The following EHMT1 variants were observed in gnomAD, a reference collection of about 807,000 sequenced individuals.
The protein encoded by EHMT1 is euchromatic histone lysine methyltransferase 1.
Under a neutral mutation model 147.2 loss-of-function variants are expected in EHMT1, and 15 were observed. The ratio of observed to expected loss-of-function variants is 0.10; its 90% CI spans 0.07 to 0.16. EHMT1 has a LOEUF of 0.16. Ranked by LOEUF, EHMT1 falls within the 10% of genes least tolerant of loss-of-function variation. EHMT1 has a pLI of 1.00. For missense variants in EHMT1, 1,587 were observed against 1,772.4 expected, an observed-to-expected ratio of 0.90 and a Z score of 1.88; for synonymous variants, 795 against 709.6, an observed-to-expected ratio of 1.12 and a Z score of -1.91.
At chr9:137,790,039 C>G (rs575612635) in intron 15 of EHMT1, among the ~76,000 whole-genome samples, 5 of 152,342 alleles carry the variant, frequency 3.3e-5, no homozygotes, top group African/African-American at 7.2e-5. Context: ...CTCTCCACCC[C>G]CTTAGCCGTT....
At chr9:137,654,400 AAAG>A (rs1473368605) in intron 1 of EHMT1, among the ~76,000 whole-genome samples, 17 of 143,238 alleles carry the variant, frequency 1.2e-4, no homozygotes. Flanking sequence ...ACCAAAAAAA[AAAG>A]AGAAAAATTA....
chr9:137,722,767 G>C (rs1564641031), intron 3 of EHMT1, among the ~76,000 whole-genome samples: 1 of 151,758 alleles, frequency 6.6e-6, no homozygotes, highest in Non-Finnish European at 1.5e-5. Flanking sequence ...CCTGCACCCG[G>C]AGTGTGCTCT....
intron 1 of EHMT1, among the ~76,000 whole-genome samples, chr9:137,639,996 G>A (rs1396813498): frequency 1.3e-5 from 2 of 152,116 alleles, no homozygotes; most frequent in Non-Finnish European, 2.9e-5. Flanking sequence ...GTGCAATGGC[G>A]CGATCTTGGC....
intron 4 of EHMT1, among the ~76,000 whole-genome samples, chr9:137,733,342 A>G (rs1266810460): frequency 6.6e-6 from 1 of 152,184 alleles, no homozygotes; most frequent in Non-Finnish European, 1.5e-5. Context: ...TCACAATTTA[A>G]AAACAATCCT....
At chr9:137,802,777 C>T (rs570233956) in intron 18 of EHMT1, 23 of 1,225,502 alleles carry the variant, frequency 1.9e-5, no homozygotes, top group South Asian at 8.3e-5. Context: ...GTGCCTCCTC[C>T]GTGGGCTGCA....
intron 4 of EHMT1, among the ~76,000 whole-genome samples, chr9:137,738,116 C>T (rs982104788): frequency 1.3e-5 from 2 of 151,926 alleles, no homozygotes; most frequent in Non-Finnish European, 2.9e-5. Flanking sequence ...ATCACTTGAA[C>T]CCGAGTGGTA....
At chr9:137,622,201 C>T (rs867820578) in intron 1 of EHMT1, among the ~76,000 whole-genome samples, 41 of 149,500 alleles carry the variant, frequency 2.7e-4, no homozygotes, top group Middle Eastern at 6.9e-3. Flanking sequence ...TCACTGCAGC[C>T]TCCGCCTCCC....
intron 10 of EHMT1, among the ~76,000 whole-genome samples, chr9:137,767,695 C>T (rs1413387343): frequency 1.3e-5 from 2 of 152,092 alleles, no homozygotes; most frequent in Non-Finnish European, 2.9e-5. Flanking sequence ...AGCTTGTAAT[C>T]CGAGCTACTT....
chr9:137,667,643 T>C (rs529675119), intron 1 of EHMT1: 2 of 152,314 alleles, frequency 1.3e-5, no homozygotes, highest in African/African-American at 4.8e-5. Flanking sequence ...TAGAGATTTC[T>C]GGCTTCTGCT....
intron 2 of EHMT1, chr9:137,715,850 A>G (rs1160634009): frequency 1.6e-5 from 16 of 984,506 alleles, no homozygotes; most frequent in Admixed American, 6.1e-5. Flanking sequence ...ATAACACTCC[A>G]TGTTTTATTA....
At chr9:137,779,792 T>A in intron 14 of EHMT1, 75 bp downstream of exon 14, 2 of 1,520,966 alleles carry the variant, frequency 1.3e-6, no homozygotes, top group Non-Finnish European at 1.8e-6. Flanking sequence ...CAGTTGTTAC[T>A]CCTTCCTCAG....
chr9:137,686,229 G>GT (rs34234074), intron 1 of EHMT1, among the ~76,000 whole-genome samples: 42,648 of 151,984 alleles, frequency 0.28, 6,558 homozygotes, highest in Admixed American at 0.38. Context: ...CAATTTATCT[G>GT]TTTTTTCTTT....
intron 23 of EHMT1, 183 bp from the exon 24 acceptor site, chr9:137,817,256 G>C (rs1954992461): frequency 1.4e-6 from 1 of 696,288 alleles, no homozygotes; most frequent in Non-Finnish European, 2.5e-6. Flanking sequence ...TGATCCCCGG[G>C]TTCTTGGCTC....
chr9:137,814,796 G>T, intron 22 of EHMT1: 1 of 575,224 alleles, frequency 1.7e-6, no homozygotes, highest in Non-Finnish European at 3.1e-6. Flanking sequence ...GGCCCCAGGA[G>T]GAGGTGCTGC....
At chr9:137,792,965 C>G (rs1952637814) in intron 16 of EHMT1, among the ~76,000 whole-genome samples, 1 of 152,230 alleles carries the variant, frequency 6.6e-6, no homozygotes, top group South Asian at 2.1e-4. Context: ...GAACCTGGCA[C>G]TAAACCGTCC....
intron 18 of EHMT1, among the ~76,000 whole-genome samples, chr9:137,807,566 G>A (rs141030712): frequency 0.011 from 1,642 of 151,884 alleles, 39 homozygotes; most frequent in African/African-American, 0.037. Flanking sequence ...GGAGTGCAGT[G>A]GTGCAATCTT....
chr9:137,625,434 G>A (rs1270388599), intron 1 of EHMT1, among the ~76,000 whole-genome samples: 1 of 151,874 alleles, frequency 6.6e-6, no homozygotes, highest in Non-Finnish European at 1.5e-5. Flanking sequence ...GAACTCCTGG[G>A]CTCAAGCAAG....
intron 25 of EHMT1, among the ~76,000 whole-genome samples, chr9:137,819,736 C>T (rs893340480): frequency 6.6e-6 from 1 of 151,804 alleles, no homozygotes; most frequent in African/African-American, 2.4e-5. Flanking sequence ...CAGCAGTGAG[C>T]CTCCTGGATT....
chr9:137,743,919 C>T lies in EHMT1; in HGVS notation c.999C>T (p.Gly333=), dbSNP rs961766773. 15 of 1,612,568 alleles carry T rather than the reference C, an allele frequency of 9.3e-6. No individual in the cohort carries two copies. Among genetic ancestry groups the T allele is most frequent in the East Asian group, 4.5e-5 (2 of 44,882 alleles). The change falls in exon 6 of 27, where the codon GGC becomes GGT. Residue 333 remains glycine (G), a synonymous_variant. Transcript: ENST00000460843. ...TGTTCTAGGGGGAGAAGGACCTGGG[C>T]GCCAGCAGCCTGCACGTGAATGGGG... ...TVGSKGEKDL[G]ASSLHVNGES...
Sources: allele counts gnomAD v4.1 joint callset (sites outside exome capture counted in the v4.1 genomes callset), GRCh38; gene constraint gnomAD v4.1.1; transcripts MANE v1.5; gene names NCBI Gene and HGNC (gene_info 2026-07-23, HGNC 2026-07-21).